Variants in B3GALT1 observed in about 807,000 individuals in gnomAD.
B3GALT1 encodes beta-1,3-galactosyltransferase 1.
Under a neutral mutation model 23.2 loss-of-function variants are expected in B3GALT1, and 10 were observed. The ratio of observed to expected loss-of-function variants is 0.43; its 90% CI spans 0.27 to 0.73. B3GALT1 has a LOEUF of 0.73. Among genes scored for constraint, B3GALT1 ranks in the 30% least tolerant of loss-of-function variants. B3GALT1 has a pLI of 0.21. For missense variants in B3GALT1, 299 were observed against 405.4 expected (o/e 0.74, Z 2.25); for synonymous variants, 156 against 141.5 (o/e 1.10, Z -0.73).
intron 3 of B3GALT1, among the ~76,000 whole-genome samples, chr2:167,805,099 G>A (rs1326019409): frequency 6.6e-6 from 1 of 152,132 alleles, no homozygotes; most frequent in African/African-American, 2.4e-5. Context: ...ATTTTTTCAT[G>A]TGTCTTTTGG....
chr2:167,537,178 G>A (rs2105371466), intron 2 of B3GALT1, among the ~76,000 whole-genome samples: 1 of 152,214 alleles, frequency 6.6e-6, no homozygotes, highest in South Asian at 2.1e-4. Flanking sequence ...TTACCTGATG[G>A]CAGGCAGGAG....
intron 1 of B3GALT1, among the ~76,000 whole-genome samples, chr2:167,339,721 G>A (rs893938512): frequency 1.3e-5 from 2 of 150,520 alleles, no homozygotes; most frequent in African/African-American, 5.0e-5. Context: ...TTCCCATTTC[G>A]AAGAAGGATA....
chr2:167,564,723 G>T (rs1175247693), intron 2 of B3GALT1, among the ~76,000 whole-genome samples: 1 of 152,188 alleles, frequency 6.6e-6, no homozygotes, highest in Non-Finnish European at 1.5e-5. Context: ...ATAACAGACA[G>T]ACAGCCAAAT....
At chr2:167,605,478 A>AGATG (rs1684947221) in intron 2 of B3GALT1, among the ~76,000 whole-genome samples, 1 of 51,286 alleles carries the variant, frequency 1.9e-5, no homozygotes, top group Non-Finnish European at 4.4e-5. Flanking sequence ...CTGAGGGCTC[A>AGATG]GATGGCATGT....
chr2:167,452,992 C>T (rs144674673), intron 1 of B3GALT1, among the ~76,000 whole-genome samples: 1 of 152,252 alleles, frequency 6.6e-6, no homozygotes, highest in African/African-American at 2.4e-5. Context: ...AATATGGAGC[C>T]ACTTTGAAGA....
At chr2:167,736,060 G>A (rs1411677712) in intron 3 of B3GALT1, among the ~76,000 whole-genome samples, 1 of 152,148 alleles carries the variant, frequency 6.6e-6, no homozygotes, top group African/African-American at 2.4e-5. Context: ...CCAAAGCGTA[G>A]CATAGGTACA....
intron 3 of B3GALT1, among the ~76,000 whole-genome samples, chr2:167,705,092 C>A (rs950583822): frequency 7.2e-5 from 11 of 152,152 alleles, no homozygotes; most frequent in African/African-American, 2.7e-4. Context: ...GTATTTGACT[C>A]TCTATGAGAA....
At chr2:167,741,154 T>A (rs902715114) in intron 3 of B3GALT1, among the ~76,000 whole-genome samples, 2 of 152,196 alleles carry the variant, frequency 1.3e-5, no homozygotes, top group African/African-American at 4.8e-5. Flanking sequence ...TGTATCTATA[T>A]AGGCCAGATG....
At chr2:167,768,270 T>C (rs1688010968) in intron 3 of B3GALT1, among the ~76,000 whole-genome samples, 1 of 152,230 alleles carries the variant, frequency 6.6e-6, no homozygotes, top group Non-Finnish European at 1.5e-5. Flanking sequence ...GTAGAGAAGC[T>C]TCTTCATGCT....
intron 1 of B3GALT1, among the ~76,000 whole-genome samples, chr2:167,322,509 C>T (rs1696829466): frequency 6.6e-6 from 1 of 151,852 alleles, no homozygotes; most frequent in Non-Finnish European, 1.5e-5. Flanking sequence ...CATGAATGTG[C>T]TACATTTTTG....
chr2:167,564,290 C>T (rs572698164), intron 2 of B3GALT1, among the ~76,000 whole-genome samples: 19 of 151,580 alleles, frequency 1.3e-4, no homozygotes, highest in Non-Finnish European at 2.1e-4. Flanking sequence ...ACGCTCCCCC[C>T]CTCCCAGATG....
intron 3 of B3GALT1, among the ~76,000 whole-genome samples, chr2:167,679,529 C>T (rs1274667209): frequency 6.6e-6 from 1 of 152,294 alleles, no homozygotes; most frequent in Non-Finnish European, 1.5e-5. Flanking sequence ...GCTGGGATTA[C>T]AGGCGTGAGC....
rs114735698 is a variant in B3GALT1, at chr2:167,507,186, A to G, written c.-410+16909A>G. On this transcript the variant is annotated intron_variant, in intron 2 of 4. Transcript: ENST00000392690. ...ATGAGTGGAATAGAGGAGAAATTCCAGTAACAGATCTTGGTGAATATTAAA... is the reference window on the plus strand; with the variant it reads ...ATGAGTGGAATAGAGGAGAAATTCCGGTAACAGATCTTGGTGAATATTAAA... Among the ~76,000 whole-genome samples, 817 of 152,288 alleles carry G rather than the reference A, an allele frequency of 5.4e-3. 4 individuals carry two copies. The highest frequency in any genetic ancestry group is 0.016 in the African/African-American group (665 of 41,570).
rs57035238 is a variant in B3GALT1, at chr2:167,297,395, T to TAAA, written c.-511+4071_-511+4073dup. ...TTTATGTACCTCTGTAAAAACTGATTAAAAAAAAAAAACTAGGTTTTGAGG... is the reference window on the plus strand; with the variant it reads ...TTTATGTACCTCTGTAAAAACTGATTAAAAAAAAAAAAAAACTAGGTTTTGAGG... On this transcript the variant is annotated intron_variant, in intron 1 of 4. Coordinates refer to ENST00000392690, the MANE Select transcript of B3GALT1 (RefSeq NM_020981.4). Among the ~76,000 whole-genome samples, 923 of 144,286 alleles carry TAAA rather than the reference T, an allele frequency of 6.4e-3. 4 individuals carry two copies. Among genetic ancestry groups the TAAA allele is most frequent in the Non-Finnish European group, 7.3e-3 (475 of 65,374 alleles). 94.7% of individuals were successfully genotyped at this position (144,286 alleles called of 152,430 possible). A position where few individuals can be genotyped will look rare whatever the true frequency, so the allele number is the denominator to read the frequency against.
At position 167,810,443 on chromosome 2, in the gene B3GALT1, T is replaced by C. The variant is rs1011082554; in HGVS notation, c.-351-8229T>C. Among the ~76,000 whole-genome samples the C allele has an allele frequency of 2.0e-5, 3 of 150,796 alleles. 1 individual carries two copies. Among genetic ancestry groups the C allele is most frequent in the African/African-American group, 5.0e-5 (2 of 40,224 alleles). The stretch of plus-strand genomic sequence containing the variant: ...GCTCCACCCTTTGTTTGTTTTTTCA[T>C]TGAAAGAGAAAAGTGAACAGATTGG... On this transcript the variant is annotated intron_variant, in intron 3 of 4. Transcript: ENST00000392690.
chr2:167,588,365 T>G (rs142229487), intron 2 of B3GALT1, among the ~76,000 whole-genome samples: 2 of 152,202 alleles, frequency 1.3e-5, no homozygotes, highest in African/African-American at 2.4e-5. Context: ...CTAGTATAGA[T>G]TCCACATTTG....
chr2:167,549,895 T>C (rs1056343267), intron 2 of B3GALT1, among the ~76,000 whole-genome samples: 1 of 152,202 alleles, frequency 6.6e-6, no homozygotes, highest in Non-Finnish European at 1.5e-5. Flanking sequence ...TTCGGAAATA[T>C]TCTTTTATAC....
chr2:167,385,987 C>G (rs1252917145), intron 1 of B3GALT1, among the ~76,000 whole-genome samples: 1 of 152,102 alleles, frequency 6.6e-6, no homozygotes, highest in Non-Finnish European at 1.5e-5. Context: ...CAAATACTAC[C>G]CAGTTTCTTA....
intron 4 of B3GALT1, among the ~76,000 whole-genome samples, chr2:167,858,920 A>T (rs1351018028): frequency 6.6e-6 from 1 of 152,146 alleles, no homozygotes; most frequent in Non-Finnish European, 1.5e-5. Flanking sequence ...ATACCTCCCT[A>T]GACTTTGTAA....
Sources: gnomAD v4.1 joint callset for allele counts (sites outside exome capture counted in the v4.1 genomes callset) on GRCh38, gnomAD v4.1.1 for gene constraint, MANE v1.5 for transcripts, NCBI Gene and HGNC (gene_info 2026-07-23, HGNC 2026-07-21) for gene names.